BBX: variants seen among roughly 807,000 people sequenced by gnomAD.
The protein encoded by BBX is BBX high mobility group box domain containing.
BBX carries 30 observed loss-of-function variants against 100.2 expected under a neutral mutation model. That is an observed-to-expected ratio of 0.30 (90% CI 0.22 to 0.41). The LOEUF (loss-of-function observed/expected upper bound fraction) is 0.41, where lower values mean the gene tolerates loss of function less well. Ranked by LOEUF, BBX falls within the 10% of genes least tolerant of loss-of-function variation. The probability of loss-of-function intolerance (pLI) is 1.00; values close to 1 mark genes in which losing one functional copy is unlikely to be tolerated. For missense variants in BBX, 1,023 were observed against 1,129.8 expected (o/e 0.91, Z 1.35); for synonymous variants, 376 against 388.1 (o/e 0.97, Z 0.37).
chr3:107,616,425 A>C (rs1270959986), intron 2 of BBX, among the ~76,000 whole-genome samples: 1 of 152,036 alleles, frequency 6.6e-6, no homozygotes, highest in Non-Finnish European at 1.5e-5. Context: ...GTGCATATTC[A>C]GTTTTTGTTT....
At chr3:107,531,726 A>G (rs1191193238) in intron 2 of BBX, among the ~76,000 whole-genome samples, 1 of 152,204 alleles carries the variant, frequency 6.6e-6, no homozygotes, top group Non-Finnish European at 1.5e-5. Context: ...CAGCTGAGGC[A>G]CGCCACAGTA....
intron 5 of BBX, among the ~76,000 whole-genome samples, chr3:107,722,575 A>G (rs1479962220): frequency 1.3e-5 from 2 of 151,996 alleles, no homozygotes; most frequent in Non-Finnish European, 2.9e-5. Flanking sequence ...TGACATTTCC[A>G]CAACACAACA....
rs1306143535 is a variant in BBX at position 107,587,408 on chromosome 3, A to G, written c.-83-58428A>G. On this transcript the variant is annotated intron_variant, in intron 2 of 17. Coordinates refer to ENST00000325805, the MANE Select transcript of BBX (RefSeq NM_001142568.3). Reference sequence around the variant, plus strand: ...TAAGCTTTTGAGAATTTAGTTACATATTGGAATGATTTGGATCTTCTTGTA... The same window carrying G: ...TAAGCTTTTGAGAATTTAGTTACATGTTGGAATGATTTGGATCTTCTTGTA... 2.0e-5 allele frequency among the ~76,000 whole-genome samples: 3 copies of G among 151,936 alleles called. No homozygotes were observed. In the East Asian group the frequency reaches 5.8e-4, roughly 29 times the overall value.
At chr3:107,627,175 A>T (rs1465334099) in intron 2 of BBX, among the ~76,000 whole-genome samples, 1 of 152,212 alleles carries the variant, frequency 6.6e-6, no homozygotes, top group East Asian at 1.9e-4. Flanking sequence ...CTACCACCTT[A>T]TCTTACCGGA....
At chr3:107,535,551 A>G (rs1441654435) in intron 2 of BBX, among the ~76,000 whole-genome samples, 2 of 149,946 alleles carry the variant, frequency 1.3e-5, no homozygotes, top group Non-Finnish European at 3.0e-5. Flanking sequence ...TGAGAAGTTG[A>G]GTTTTCCTAG....
intron 4 of BBX, chr3:107,716,350 C>A: frequency 2.7e-6 from 1 of 377,240 alleles, no homozygotes; most frequent in Non-Finnish European, 4.8e-6. Flanking sequence ...AAAATGTAAG[C>A]AATTATAACA....
chr3:107,717,944 C>T (rs1018954873), intron 5 of BBX, among the ~76,000 whole-genome samples: 1 of 151,820 alleles, frequency 6.6e-6, no homozygotes. Flanking sequence ...AAAAATGAAC[C>T]AGCAGGGGAC....
intron 3 of BBX, among the ~76,000 whole-genome samples, chr3:107,671,003 G>C (rs1346770322): frequency 1.3e-5 from 2 of 151,998 alleles, no homozygotes; most frequent in Non-Finnish European, 2.9e-5. Flanking sequence ...TGTGTTCTGA[G>C]ATTTACGTAG....
At chr3:107,525,007 C>A (rs1170478519) in intron 1 of BBX, among the ~76,000 whole-genome samples, 7 of 148,616 alleles carry the variant, frequency 4.7e-5, no homozygotes, top group African/African-American at 1.7e-4. Flanking sequence ...TTTCCCCGCG[C>A]GGGGAGGGGC....
intron 2 of BBX, among the ~76,000 whole-genome samples, chr3:107,571,865 C>G (rs1392704086): frequency 1.3e-5 from 2 of 152,216 alleles, no homozygotes; most frequent in African/African-American, 4.8e-5. Context: ...GGTTCCTGTG[C>G]ATGTGTATAT....
intron 9 of BBX, among the ~76,000 whole-genome samples, chr3:107,751,649 A>G (rs2065086016): frequency 6.6e-6 from 1 of 152,214 alleles, no homozygotes; most frequent in Non-Finnish European, 1.5e-5. Flanking sequence ...TGGAGCCATG[A>G]AACTGAATAA....
chr3:107,666,893 T>C (rs950356583), intron 3 of BBX, among the ~76,000 whole-genome samples: 10 of 152,286 alleles, frequency 6.6e-5, no homozygotes, highest in African/African-American at 2.2e-4. Context: ...TATTTATTAT[T>C]GAAAGCCTAG....
intron 2 of BBX, among the ~76,000 whole-genome samples, chr3:107,570,765 A>G (rs1197611018): frequency 6.6e-6 from 1 of 152,146 alleles, no homozygotes; most frequent in African/African-American, 2.4e-5. Context: ...ATGGGTCTGC[A>G]GAAAAGGAGG....
chr3:107,708,718 GA>G (rs1235529731), intron 3 of BBX, among the ~76,000 whole-genome samples: 2 of 150,160 alleles, frequency 1.3e-5, no homozygotes, highest in Non-Finnish European at 3.0e-5. Context: ...TAAAAATGAA[GA>G]TTTTTTTAGA....
At chr3:107,630,951 T>C (rs1054507130) in intron 2 of BBX, among the ~76,000 whole-genome samples, 1 of 152,186 alleles carries the variant, frequency 6.6e-6, no homozygotes, top group Non-Finnish European at 1.5e-5. Context: ...GGGCCCCTGA[T>C]TTCCCTATTC....
intron 7 of BBX, among the ~76,000 whole-genome samples, chr3:107,734,533 G>A (rs184067946): frequency 3.3e-5 from 5 of 152,218 alleles, no homozygotes; most frequent in Non-Finnish European, 7.4e-5. Flanking sequence ...GTGAATGTTG[G>A]ACTAATAATA....
intron 2 of BBX, among the ~76,000 whole-genome samples, chr3:107,591,979 A>G (rs561759820): frequency 2.0e-5 from 3 of 152,330 alleles, no homozygotes; most frequent in African/African-American, 7.2e-5. Flanking sequence ...TAGCATTTGT[A>G]ATCATTAAGG....
At chr3:107,597,576 T>A (rs1022450281) in intron 2 of BBX, among the ~76,000 whole-genome samples, 1 of 152,222 alleles carries the variant, frequency 6.6e-6, no homozygotes, top group Non-Finnish European at 1.5e-5. Flanking sequence ...ATATACACTC[T>A]GGAATTTTGT....
intron 10 of BBX, among the ~76,000 whole-genome samples, chr3:107,762,932 C>T (rs2066013407): frequency 6.6e-6 from 1 of 152,212 alleles, no homozygotes; most frequent in African/African-American, 2.4e-5. Flanking sequence ...TCACACCTGA[C>T]ACCGTCGCTT....
Sources: gnomAD v4.1 joint callset for allele counts (sites outside exome capture counted in the v4.1 genomes callset) on GRCh38, gnomAD v4.1.1 for gene constraint, MANE v1.5 for transcripts, NCBI Gene and HGNC (gene_info 2026-07-23, HGNC 2026-07-21) for gene names.